Variants in PCDH9 observed in about 807,000 individuals in gnomAD.
PCDH9 encodes protocadherin 9, also known as protocadherin-9.
A neutral mutation model predicts 70.6 loss-of-function variants in PCDH9; 24 were observed. That is an observed-to-expected ratio of 0.34 (90% confidence interval 0.25 to 0.48). The LOEUF (loss-of-function observed/expected upper bound fraction) is 0.48. Among genes scored for constraint, PCDH9 ranks in the 20% least tolerant of loss-of-function variants. PCDH9 has a pLI of 0.99. For synonymous variants in PCDH9, 562 were observed against 558.5 expected (o/e 1.01, Z -0.09); for missense variants, 1,281 against 1,503.6 (o/e 0.85, Z 2.45).
intron 4 of PCDH9, among the ~76,000 whole-genome samples, chr13:66,495,207 T>G (rs562722448): frequency 1.2e-4 from 18 of 152,262 alleles, no homozygotes; most frequent in Admixed American, 9.8e-4. Flanking sequence ...TGGCAAACAA[T>G]TAGAGATTTT....
At chr13:67,176,159 G>A (rs1389743100) in intron 2 of PCDH9, among the ~76,000 whole-genome samples, 3 of 152,062 alleles carry the variant, frequency 2.0e-5, no homozygotes, top group African/African-American at 7.2e-5. Context: ...CCTTTATAAG[G>A]CCTAAAATGT....
chr13:66,409,074 T>G (rs1957328959), intron 4 of PCDH9, among the ~76,000 whole-genome samples: 1 of 151,900 alleles, frequency 6.6e-6, no homozygotes, highest in Non-Finnish European at 1.5e-5. Flanking sequence ...AGGAAGAGAT[T>G]AAAATAAGGA....
chr13:66,429,576 G>A lies in PCDH9; in HGVS notation c.3341-124548C>T, dbSNP rs539926540. 7.2e-5 allele frequency among the ~76,000 whole-genome samples: 11 copies of A among 151,810 alleles called. 1 individual carries two copies. In the East Asian group the frequency reaches 1.2e-3, roughly 16 times the overall value. On this transcript the variant is annotated intron_variant, in intron 4 of 4. Coordinates refer to ENST00000377865, the MANE Select transcript of PCDH9 (RefSeq NM_203487.3). ...AATACTGAGTTTGAAGAGTACAAAC[G>A]GAAGAGCTCCCTCAGAGGGATCAGA...
intron 4 of PCDH9, among the ~76,000 whole-genome samples, chr13:66,509,967 C>T (rs556384675): frequency 2.8e-4 from 42 of 152,284 alleles, no homozygotes; most frequent in African/African-American, 7.2e-4. Context: ...TTTTCACATG[C>T]GCTTTCAAGG....
At chr13:66,973,456 A>G (rs901013242) in intron 2 of PCDH9, among the ~76,000 whole-genome samples, 29 of 152,004 alleles carry the variant, frequency 1.9e-4, no homozygotes, top group African/African-American at 6.8e-4. Flanking sequence ...GACAGCTAGA[A>G]AAGGAGGAGG....
chr13:66,844,369 G>A (rs897843657), intron 3 of PCDH9, among the ~76,000 whole-genome samples: 4 of 151,982 alleles, frequency 2.6e-5, no homozygotes, highest in African/African-American at 7.2e-5. Context: ...AGTGGATCCC[G>A]AGGTCAGGAG....
At chr13:66,981,478 T>G (rs1008895762) in intron 2 of PCDH9, among the ~76,000 whole-genome samples, 6 of 151,514 alleles carry the variant, frequency 4.0e-5, no homozygotes, top group Admixed American at 3.9e-4. Context: ...AGATAATTCA[T>G]TTATACTAAA....
At chr13:67,129,450 C>A (rs1002298795) in intron 2 of PCDH9, among the ~76,000 whole-genome samples, 2 of 151,964 alleles carry the variant, frequency 1.3e-5, no homozygotes, top group East Asian at 1.9e-4. Flanking sequence ...AACTAATAAT[C>A]TGGCTTTATT....
intron 4 of PCDH9, among the ~76,000 whole-genome samples, chr13:66,433,818 A>G (rs759439263): frequency 6.6e-6 from 1 of 151,882 alleles, no homozygotes; most frequent in Non-Finnish European, 1.5e-5. Flanking sequence ...TTTTATAAAT[A>G]TAATATTAAA....
intron 3 of PCDH9, among the ~76,000 whole-genome samples, chr13:66,822,378 T>C (rs1345265849): frequency 6.6e-6 from 1 of 152,066 alleles, no homozygotes; most frequent in African/African-American, 2.4e-5. Context: ...TACCAAAGTA[T>C]GAAGAAAATA....
chr13:66,715,492 T>C (rs1027274660), intron 3 of PCDH9, among the ~76,000 whole-genome samples: 12 of 152,184 alleles, frequency 7.9e-5, no homozygotes, highest in African/African-American at 2.4e-4. Flanking sequence ...CAGTAGTCCA[T>C]ATGTTGTATT....
At chr13:67,153,147 A>C (rs543109167) in intron 2 of PCDH9, among the ~76,000 whole-genome samples, 1 of 149,778 alleles carries the variant, frequency 6.7e-6, no homozygotes. Flanking sequence ...TCTCTGACTA[A>C]ATTAGTTTTC....
chr13:67,009,337 A>G (rs1321018097), intron 2 of PCDH9, among the ~76,000 whole-genome samples: 1 of 151,760 alleles, frequency 6.6e-6, no homozygotes, highest in South Asian at 2.1e-4. Flanking sequence ...TACTTATCTC[A>G]CTGTACTTAG....
At chr13:66,602,009 T>TA (rs569695716) in intron 4 of PCDH9, among the ~76,000 whole-genome samples, 3 of 144,498 alleles carry the variant, frequency 2.1e-5, no homozygotes, top group Non-Finnish European at 3.1e-5. Context: ...TTCTACTTAT[T>TA]AAAAAAAAAG....
At chr13:67,160,184 T>C (rs2138414067) in intron 2 of PCDH9, among the ~76,000 whole-genome samples, 1 of 152,316 alleles carries the variant, frequency 6.6e-6, no homozygotes, top group South Asian at 2.1e-4. Flanking sequence ...CAACAGCAAA[T>C]ACTCCAAAAG....
chr13:66,895,566 A>G (rs150517691), intron 3 of PCDH9, among the ~76,000 whole-genome samples: 1 of 152,340 alleles, frequency 6.6e-6, no homozygotes, highest in African/African-American at 2.4e-5. Context: ...ATCTGTGCAC[A>G]TGTGCAGAAA....
chr13:66,503,899 A>G (rs1959190060), intron 4 of PCDH9, among the ~76,000 whole-genome samples: 1 of 152,206 alleles, frequency 6.6e-6, no homozygotes, highest in Non-Finnish European at 1.5e-5. Context: ...GCAAAAAACT[A>G]TTAAGTCAAC....
At chr13:66,384,468 G>C (rs1956896164) in intron 4 of PCDH9, among the ~76,000 whole-genome samples, 1 of 152,068 alleles carries the variant, frequency 6.6e-6, no homozygotes, top group African/African-American at 2.4e-5. Context: ...TACACATAAT[G>C]ACATAGTTAT....
At chr13:67,157,357 A>G (rs1328073495) in intron 2 of PCDH9, among the ~76,000 whole-genome samples, 1 of 152,242 alleles carries the variant, frequency 6.6e-6, no homozygotes, top group Non-Finnish European at 1.5e-5. Flanking sequence ...TTCATTTGTT[A>G]AAATTTGCAT....
Sources: allele counts gnomAD v4.1 joint callset (sites outside exome capture counted in the v4.1 genomes callset), GRCh38; gene constraint gnomAD v4.1.1; transcripts MANE v1.5; gene names NCBI Gene and HGNC (gene_info 2026-07-23, HGNC 2026-07-21).